MYO1H: variants seen among roughly 807,000 people sequenced by gnomAD.
MYO1H encodes the protein myosin IH.
A neutral mutation model predicts 149.3 loss-of-function variants in MYO1H; 118 were observed. The ratio of observed to expected loss-of-function variants is 0.79; its 90% CI spans 0.68 to 0.92. The LOEUF (loss-of-function observed/expected upper bound fraction) is 0.92. Among genes scored for constraint, MYO1H ranks in the 40% least tolerant of loss-of-function variants. The pLI is 0.00. For missense variants in MYO1H, 1,212 were observed against 1,280.7 expected, an observed-to-expected ratio of 0.95 and a Z score of 0.82; for synonymous variants, 447 against 465.2, an observed-to-expected ratio of 0.96 and a Z score of 0.50.
At chr12:109,396,499 G>A (rs1207034312) in exon 4 of MYO1H, 6 of 1,613,830 alleles carry the variant, frequency 3.7e-6, no homozygotes, top group Admixed American at 1.7e-5. Context: ...GAAAATTCTC[G>A]AGTATTTTGC....
chr12:109,444,217 C>T (rs750898181), exon 29 of MYO1H: 4 of 1,613,358 alleles, frequency 2.5e-6, no homozygotes, highest in Non-Finnish European at 3.4e-6. Context: ...CTTAAGGTGT[C>T]TCCACTAGCA....
intron 5 of MYO1H, among the ~76,000 whole-genome samples, chr12:109,399,153 G>T (rs1222159616): frequency 1.3e-5 from 2 of 152,160 alleles, no homozygotes; most frequent in East Asian, 3.8e-4. Flanking sequence ...GATTTGGAAA[G>T]AAATTTAATA....
rs778388352 is a variant in MYO1H, at chr12:109,405,912, A to G, written c.850-10A>G. On this transcript the variant is annotated splice_polypyrimidine_tract_variant and intron_variant, in intron 7 of 31. Coordinates refer to ENST00000310903, the Ensembl canonical transcript of MYO1H. ...GATCTCCTGTCTCTGAACACTTCCC[A>G]TGTTCCTAGAATCTCTTTGGAATTA... The G allele has an allele frequency of 3.2e-6, 5 of 1,581,942 alleles. No homozygotes were observed. Among genetic ancestry groups the G allele is most frequent in the Admixed American group, 3.3e-5 (2 of 59,950 alleles).
chr12:109,352,810 C>T (rs1868492562), intron 1 of MYO1H, among the ~76,000 whole-genome samples: 1 of 152,100 alleles, frequency 6.6e-6, no homozygotes, highest in Admixed American at 6.5e-5. Context: ...GCACACCTGC[C>T]ATTAGCTCGT....
intron 2 of MYO1H, among the ~76,000 whole-genome samples, chr12:109,390,931 G>A (rs945842094): frequency 3.3e-5 from 5 of 152,160 alleles, no homozygotes; most frequent in Non-Finnish European, 2.9e-5. Flanking sequence ...GCCTCCCAGA[G>A]TCCTGGGATT....
chr12:109,341,334 T>C, the MYO1H span, among the ~76,000 whole-genome samples: 2 of 152,180 alleles, frequency 1.3e-5, no homozygotes, highest in African/African-American at 2.4e-5. Context: ...GCCTCCATTG[T>C]TGAAAATTTT....
chr12:109,322,871 G>A, the MYO1H span, among the ~76,000 whole-genome samples: 1 of 150,742 alleles, frequency 6.6e-6, no homozygotes, highest in African/African-American at 2.4e-5. Flanking sequence ...CACTTTAGGA[G>A]GCCGAGGCAG....
chr12:109,417,911 A>G (rs549611183), intron 15 of MYO1H, among the ~76,000 whole-genome samples: 23 of 150,226 alleles, frequency 1.5e-4, no homozygotes, highest in Admixed American at 9.3e-4. Context: ...CGCCTCCCGG[A>G]TTCATGCCAT....
chr12:109,379,727 ACC>A (rs1869161758), intron 1 of MYO1H, among the ~76,000 whole-genome samples: 3 of 145,526 alleles, frequency 2.1e-5, no homozygotes, highest in African/African-American at 5.1e-5. Flanking sequence ...AGCAATTTTA[ACC>A]TTTTTTTTTT....
chr12:109,401,340 T>C, intron 6 of MYO1H, 68 bp downstream of exon 6: 1 of 1,467,664 alleles, frequency 6.8e-7, no homozygotes, highest in Non-Finnish European at 9.2e-7. Context: ...TTCTACGTGC[T>C]GCTGTAGGAT....
chr12:109,369,173 A>G (rs535957233), intron 1 of MYO1H, among the ~76,000 whole-genome samples: 1 of 152,120 alleles, frequency 6.6e-6, no homozygotes, highest in Admixed American at 6.5e-5. Context: ...CTTTTACTAG[A>G]GACAGGGTTT....
chr12:109,392,381 C>T (rs1404226914), intron 2 of MYO1H, among the ~76,000 whole-genome samples: 1 of 152,160 alleles, frequency 6.6e-6, no homozygotes, highest in Non-Finnish European at 1.5e-5. Context: ...ACTTTGTTTA[C>T]AGCTGGCTCC....
chr12:109,411,164 A>G (rs961329509), intron 13 of MYO1H, among the ~76,000 whole-genome samples: 11 of 152,128 alleles, frequency 7.2e-5, no homozygotes, highest in African/African-American at 2.7e-4. Flanking sequence ...TAAAAATAAA[A>G]AAAGGGTTGA....
intron 1 of MYO1H, among the ~76,000 whole-genome samples, chr12:109,379,437 G>GT (rs1869154279): frequency 1.3e-5 from 2 of 152,210 alleles, no homozygotes; most frequent in South Asian, 4.1e-4. Context: ...GCTATTGAGC[G>GT]TTTTTTGCTA....
At chr12:109,364,745 T>A (rs1296368574) in intron 1 of MYO1H, among the ~76,000 whole-genome samples, 1 of 152,212 alleles carries the variant, frequency 6.6e-6, no homozygotes, top group Admixed American at 6.5e-5. Flanking sequence ...CTAGTCAAAG[T>A]CCTAAGGAAT....
intron 17 of MYO1H, among the ~76,000 whole-genome samples, chr12:109,425,482 C>T (rs973487376): frequency 6.6e-6 from 1 of 152,206 alleles, no homozygotes; most frequent in African/African-American, 2.4e-5. Context: ...GTGCCAGGCA[C>T]AGGGATTCAG....
intron 22 of MYO1H, among the ~76,000 whole-genome samples, chr12:109,437,939 A>G (rs1264796064): frequency 6.6e-6 from 1 of 151,754 alleles, no homozygotes; most frequent in African/African-American, 2.4e-5. Context: ...AATACAAAAA[A>G]AAATTAGGCG....
upstream of MYO1H, among the ~76,000 whole-genome samples, chr12:109,343,054 T>G (rs911957761): frequency 6.6e-6 from 1 of 151,894 alleles, no homozygotes; most frequent in Non-Finnish European, 1.5e-5. Flanking sequence ...TCCCATCTCT[T>G]TAAAAAATAA....
At chr12:109,327,106 TTTTTC>T in the MYO1H span, among the ~76,000 whole-genome samples, 1 of 150,368 alleles carries the variant, frequency 6.7e-6, no homozygotes, top group African/African-American at 2.5e-5. Context: ...AGTTATTTAA[TTTTTC>T]TTTTCTTTTT....
Sources: allele counts gnomAD v4.1 joint callset (sites outside exome capture counted in the v4.1 genomes callset), GRCh38; gene constraint gnomAD v4.1.1; transcripts MANE v1.5; gene names NCBI Gene and HGNC (gene_info 2026-07-23, HGNC 2026-07-21).